Variants in IPO11 observed in about 807,000 individuals in gnomAD.
IPO11 encodes the protein importin 11, also known as importin-11.
In IPO11, 66 loss-of-function variants were observed where a neutral mutation model predicts 143.2. The observed-to-expected ratio is 0.46, with a 90% CI of 0.38 to 0.57. The LOEUF is 0.57. Ranked by LOEUF, IPO11 falls within the 20% of genes least tolerant of loss-of-function variation. The pLI, the probability that IPO11 is intolerant of heterozygous loss-of-function variation, is 0.00. For missense variants in IPO11, 1,026 were observed against 1,141.0 expected (o/e 0.90, Z 1.45); for synonymous variants, 385 against 377.8 (o/e 1.02, Z -0.22).
intron 27 of IPO11, chr5:62,581,333 A>G: frequency 6.9e-7 from 1 of 1,456,794 alleles, no homozygotes; most frequent in Non-Finnish European, 9.0e-7. Context: ...TCTATAAGAA[A>G]CTTCAGTGCC....
intron 28 of IPO11, among the ~76,000 whole-genome samples, chr5:62,596,462 A>C (rs1482060840): frequency 6.6e-6 from 1 of 152,104 alleles, no homozygotes; most frequent in Non-Finnish European, 1.5e-5. Context: ...GGAGGGACAT[A>C]ATCAGATTTA....
At position 62,463,669 on chromosome 5, in the gene IPO11, T is replaced by C. The variant is rs542900134; in HGVS notation, c.517-3462T>C. Among the ~76,000 whole-genome samples the C allele has an allele frequency of 2.3e-3, 323 of 143,554 alleles. 2 individuals carry two copies. Among genetic ancestry groups the C allele is most frequent in the Middle Eastern group, 0.014 (4 of 290 alleles). 94.2% of individuals were successfully genotyped at this position (143,554 alleles called of 152,430 possible). On this transcript the variant is annotated intron_variant, in intron 5 of 29. Transcript: ENST00000325324. ...CTGGGCAACAGAGTGAGACTCTTTG[T>C]CTCAAAAAAAAAAAAAAGTTTAAAC... is the stretch of plus-strand genomic sequence containing the variant.
In IPO11 at chr5:62,627,157, G is replaced by T; in HGVS notation, c.2767G>T (p.Ala923Ser). Reference protein sequence around the residue: ...TEQDKRKKMLALKDPVHTVSL... With the variant: ...TEQDKRKKMLSLKDPVHTVSL... ...TGCTCCTCTCTGTATCCCACAGCTG[G>T]CCCTGAAGGACCCTGTTCATACAGT... The change falls in exon 30 of 30, where the codon GCC becomes TCC. Residue 923 changes from alanine (A) to serine (S), a missense_variant. Physicochemically the swap from Ala to Ser is moderately conservative, Grantham distance 99. This residue lies in a region of IPO11 where 351 missense variants were observed against 358.9 expected (regional missense o/e 0.98). Coordinates refer to ENST00000325324, the MANE Select transcript of IPO11 (RefSeq NM_016338.5). 6.8e-6 allele frequency: 11 copies of T among 1,612,484 alleles called. No individual in the cohort carries two copies. Among genetic ancestry groups the T allele is most frequent in the Non-Finnish European group, 9.3e-6 (11 of 1,178,970 alleles).
intron 20 of IPO11, among the ~76,000 whole-genome samples, chr5:62,516,665 G>A (rs1742031366): frequency 1.3e-5 from 2 of 152,106 alleles, no homozygotes; most frequent in Admixed American, 1.3e-4. Flanking sequence ...AAATAGTAAT[G>A]CAAAATATTT....
At chr5:62,525,308 A>C (rs550806708) in intron 20 of IPO11, among the ~76,000 whole-genome samples, 2 of 152,058 alleles carry the variant, frequency 1.3e-5, no homozygotes, top group South Asian at 4.2e-4. Flanking sequence ...GCACCTTTTA[A>C]AAAGAATTTG....
chr5:62,448,657 C>T (rs972135960), intron 3 of IPO11, among the ~76,000 whole-genome samples: 24 of 152,100 alleles, frequency 1.6e-4, no homozygotes, highest in Admixed American at 1.2e-3. Flanking sequence ...CTCAAGAAAT[C>T]CTCCTGTCTC....
rs1248546423 is a variant in IPO11, at chr5:62,580,304, A to G, written c.2583-11273A>G. On this transcript the variant is annotated intron_variant, in intron 27 of 29. Transcript: ENST00000325324. Reference sequence around the variant, plus strand: ...TTGATCTTAAGTCATAATGATTTAGAGAATTTAAATTCTGACACATTCAGT... The same window carrying G: ...TTGATCTTAAGTCATAATGATTTAGGGAATTTAAATTCTGACACATTCAGT... 3.2e-6 allele frequency: 5 copies of G among 1,538,714 alleles called. No homozygotes were observed. The Admixed American group carries it at 7.9e-5, about 24-fold the overall frequency.
chr5:62,562,692 G>A (rs1170703127), intron 27 of IPO11, among the ~76,000 whole-genome samples: 1 of 152,124 alleles, frequency 6.6e-6, no homozygotes, highest in Non-Finnish European at 1.5e-5. Context: ...AAATTTTAGA[G>A]CATACATATA....
At chr5:62,426,198 C>T (rs970678908) in intron 1 of IPO11, among the ~76,000 whole-genome samples, 11 of 152,130 alleles carry the variant, frequency 7.2e-5, no homozygotes, top group African/African-American at 2.7e-4. Context: ...ACCAGCCTAC[C>T]CAACATGGTG....
chr5:62,437,929 T>C (rs1251935441), intron 2 of IPO11, among the ~76,000 whole-genome samples: 1 of 152,246 alleles, frequency 6.6e-6, no homozygotes, highest in Admixed American at 6.5e-5. Context: ...TAAATTAACC[T>C]TTATTGGAGT....
chr5:62,545,666 C>T (rs1344594173), intron 24 of IPO11, among the ~76,000 whole-genome samples: 2 of 152,142 alleles, frequency 1.3e-5, no homozygotes, highest in African/African-American at 4.8e-5. Flanking sequence ...GAACAGGCAA[C>T]CTACAGAATG....
In IPO11 at chr5:62,417,626, C is replaced by G. The variant is rs535294186; in HGVS notation, c.-7+4697C>G. Among the ~76,000 whole-genome samples, 11 of 152,208 alleles carry G rather than the reference C, an allele frequency of 7.2e-5. No homozygotes were observed. The East Asian group carries it at 1.9e-3, about 27-fold the overall frequency. ...CACTACCCTGCTCTCTTCTGAAAAC[C>G]TTCAGATAAAAATCCAAACTACGTA... is the stretch of plus-strand genomic sequence containing the variant. On this transcript the variant is annotated intron_variant, in intron 1 of 29. Coordinates refer to ENST00000325324, the MANE Select transcript of IPO11 (RefSeq NM_016338.5).
intron 5 of IPO11, among the ~76,000 whole-genome samples, chr5:62,464,054 C>G (rs1745477859): frequency 6.6e-6 from 1 of 151,662 alleles, no homozygotes; most frequent in African/African-American, 2.4e-5. Flanking sequence ...GAACTCCTGA[C>G]CTCAGGTGAT....
chr5:62,579,930 A>C lies in IPO11; in HGVS notation c.2583-11647A>C, dbSNP rs1022331605. On this transcript the variant is annotated intron_variant, in intron 27 of 29. Transcript: ENST00000325324. The stretch of plus-strand genomic sequence containing the variant: ...TTTCAGTTCAGTACTTAAATCTACA[A>C]AGGAATCGCCTCACTGTCCTTGGGA... The C allele has an allele frequency of 2.6e-6, 4 of 1,551,184 alleles. No individual in the cohort carries two copies. In the African/African-American group the frequency reaches 5.5e-5, roughly 21 times the overall value.
At chr5:62,516,821 C>A (rs961946955) in intron 20 of IPO11, among the ~76,000 whole-genome samples, 10 of 151,858 alleles carry the variant, frequency 6.6e-5, no homozygotes, top group Non-Finnish European at 1.3e-4. Flanking sequence ...TACCATCCAT[C>A]TCTGTAACTC....
chr5:62,514,603 CGGGAGA>C (rs147517248), intron 19 of IPO11, among the ~76,000 whole-genome samples: 13,770 of 132,298 alleles, frequency 0.1, 905 homozygotes, highest in African/African-American at 0.15. Flanking sequence ...GAGAGGGAGA[CGGGAGA>C]GGGAGAGGGA....
At chr5:62,517,945 A>G (rs950896294) in intron 20 of IPO11, among the ~76,000 whole-genome samples, 8 of 152,176 alleles carry the variant, frequency 5.3e-5, no homozygotes, top group East Asian at 1.9e-4. Context: ...AGCATATAAC[A>G]TAATACCAAA....
intron 20 of IPO11, among the ~76,000 whole-genome samples, chr5:62,525,607 C>T (rs1310718800): frequency 6.6e-6 from 1 of 152,190 alleles, no homozygotes; most frequent in East Asian, 1.9e-4. Context: ...TGGTCACCAA[C>T]TCCTGGCCCC....
intron 18 of IPO11, among the ~76,000 whole-genome samples, chr5:62,505,720 A>G (rs1741532378): frequency 6.6e-6 from 1 of 152,108 alleles, no homozygotes; most frequent in African/African-American, 2.4e-5. Flanking sequence ...TTTCCTAATA[A>G]GAACTATTCT....
Sources: gnomAD v4.1 joint callset for allele counts (sites outside exome capture counted in the v4.1 genomes callset) on GRCh38, gnomAD v4.1.1 for gene constraint, gnomAD v4.1.1 regional missense constraint, MANE v1.5 for transcripts, NCBI Gene and HGNC (gene_info 2026-07-23, HGNC 2026-07-21) for gene names.